Variants in CFAP58 observed in about 807,000 individuals in gnomAD.
CFAP58 encodes the protein cilia- and flagella-associated protein 58.
A neutral mutation model predicts 119.5 loss-of-function variants in CFAP58; 88 were observed. The ratio of observed to expected loss-of-function variants is 0.74; its 90% CI spans 0.62 to 0.88. The LOEUF (loss-of-function observed/expected upper bound fraction) is 0.88. Ranked by LOEUF, CFAP58 falls within the 40% of genes least tolerant of loss-of-function variation. CFAP58 has a pLI of 0.00. For synonymous variants in CFAP58, 365 were observed against 366.3 expected (o/e 1.00, Z 0.04); for missense variants, 990 against 1,021.2 (o/e 0.97, Z 0.42).
chr10:104,354,028 C>A, intron 1 of CFAP58, 122 bp downstream of exon 1: 1 of 1,201,410 alleles, frequency 8.3e-7, no homozygotes, highest in South Asian at 1.3e-5. Flanking sequence ...TATTCCCCTG[C>A]ACCCTCACTC....
intron 15 of CFAP58, among the ~76,000 whole-genome samples, chr10:104,444,985 C>A (rs1439424182): frequency 6.6e-6 from 1 of 152,118 alleles, no homozygotes; most frequent in Non-Finnish European, 1.5e-5. Context: ...AGTTGCTCAG[C>A]TATTCTTTAT....
rs773068470 is a variant in CFAP58 at position 104,403,855 on chromosome 10, C to T, written c.2151+15C>T. On this transcript the variant is annotated intron_variant, in intron 14 of 17. Transcript: ENST00000369704. ...GGAAGCTCGAGGTAACATCTGGCAG[C>T]GTGTTCTCCCCATCCCCAAATCTCT... 11 of 1,520,180 alleles carry T rather than the reference C, an allele frequency of 7.2e-6. No homozygotes were observed. Among genetic ancestry groups the T allele is most frequent in the East Asian group, 2.3e-5 (1 of 43,658 alleles). 94.2% of individuals were successfully genotyped at this position (1,520,180 alleles called of 1,614,324 possible). A position where few individuals can be genotyped will look rare whatever the true frequency, so the allele number is the denominator to read the frequency against.
intron 15 of CFAP58, among the ~76,000 whole-genome samples, chr10:104,407,735 T>C (rs2012387780): frequency 6.6e-6 from 1 of 152,182 alleles, no homozygotes; most frequent in South Asian, 2.1e-4. Flanking sequence ...CTTGCTCTGT[T>C]GCCCAGGCTG....
intron 9 of CFAP58, among the ~76,000 whole-genome samples, chr10:104,386,035 A>G (rs954505512): frequency 6.7e-5 from 10 of 150,224 alleles, no homozygotes; most frequent in African/African-American, 2.5e-4. Context: ...ATAAGGATAC[A>G]AATTGTTTAA....
intron 1 of CFAP58, 143 bp downstream of exon 1, chr10:104,354,049 C>G (rs772975648): frequency 2.6e-5 from 27 of 1,042,414 alleles, no homozygotes; most frequent in Non-Finnish European, 3.7e-5. Flanking sequence ...ACTCCCGCGC[C>G]TTTCTCCGTT....
intron 15 of CFAP58, among the ~76,000 whole-genome samples, chr10:104,428,555 G>T (rs1408829333): frequency 6.6e-6 from 1 of 152,220 alleles, no homozygotes; most frequent in African/African-American, 2.4e-5. Flanking sequence ...AGTGATGCGT[G>T]CTCTTCTCGT....
At position 104,400,830 on chromosome 10, in the gene CFAP58, A is replaced by G; in HGVS notation, c.1966A>G (p.Arg656Gly). 1 of 1,614,230 alleles carries G rather than the reference A, an allele frequency of 6.2e-7. No homozygotes were observed. Among genetic ancestry groups the G allele is most frequent in the African/African-American group, 1.3e-5 (1 of 75,066 alleles). The change falls in exon 13 of 18, where the codon AGA becomes GGA. Residue 656 changes from arginine (R) to glycine (G), a missense_variant. Transcript: ENST00000369704. The part of the protein sequence containing the change: ...NQRLEDMRIL[R>G]LEIKKLRREK... ...GAGGTTGGAGGACATGAGAATCCTC[A>G]GACTTGAGATCAAGAAGCTTCGCCG...
At chr10:104,363,556 C>A (rs758359295) in intron 3 of CFAP58, among the ~76,000 whole-genome samples, 1 of 152,042 alleles carries the variant, frequency 6.6e-6, no homozygotes, top group African/African-American at 2.4e-5. Context: ...AAGAGGAATG[C>A]GAGGGAACTG....
At chr10:104,446,663 C>T (rs1037819522) in intron 15 of CFAP58, among the ~76,000 whole-genome samples, 5 of 152,206 alleles carry the variant, frequency 3.3e-5, no homozygotes, top group Non-Finnish European at 7.4e-5. Flanking sequence ...TAAATGTGTA[C>T]AGAGACTGAT....
intron 7 of CFAP58, among the ~76,000 whole-genome samples, chr10:104,375,717 A>G (rs938585647): frequency 6.6e-6 from 1 of 151,546 alleles, no homozygotes; most frequent in Non-Finnish European, 1.5e-5. Context: ...TGAGACATCA[A>G]TCGAATACGT....
At chr10:104,386,426 G>C (rs1299343329) in intron 9 of CFAP58, among the ~76,000 whole-genome samples, 1 of 151,472 alleles carries the variant, frequency 6.6e-6, no homozygotes, top group African/African-American at 2.4e-5. Context: ...AAGTAAAATG[G>C]TTGTGTATTA....
intron 7 of CFAP58, 47 bp downstream of exon 7, chr10:104,371,101 A>G (rs1433869205): frequency 6.5e-7 from 1 of 1,547,840 alleles, no homozygotes; most frequent in African/African-American, 1.4e-5. Flanking sequence ...TTTATTGGTG[A>G]CTGATGTTAT....
At chr10:104,438,391 C>T (rs1238967335) in intron 15 of CFAP58, among the ~76,000 whole-genome samples, 4 of 108,510 alleles carry the variant, frequency 3.7e-5, no homozygotes, top group African/African-American at 7.5e-5. Context: ...TTTTTTGAGA[C>T]GGAGTCTCGC....
the CFAP58 span, among the ~76,000 whole-genome samples, chr10:104,345,718 T>G: frequency 6.6e-6 from 1 of 151,986 alleles, no homozygotes; most frequent in Non-Finnish European, 1.5e-5. Context: ...CTGGGTAAGA[T>G]TTTTTGGATG....
At chr10:104,343,515 A>G in the CFAP58 span, among the ~76,000 whole-genome samples, 1 of 152,238 alleles carries the variant, frequency 6.6e-6, no homozygotes, top group Non-Finnish European at 1.5e-5. Flanking sequence ...TACAGAACCT[A>G]CGTTTTTCAA....
At chr10:104,412,565 A>G (rs572147944) in intron 15 of CFAP58, among the ~76,000 whole-genome samples, 77 of 152,310 alleles carry the variant, frequency 5.1e-4, no homozygotes, top group African/African-American at 1.5e-3. Context: ...TTTTAAAACT[A>G]AAATATTAGA....
chr10:104,364,470 A>ACT (rs1203880842), intron 3 of CFAP58, among the ~76,000 whole-genome samples: 24 of 137,012 alleles, frequency 1.8e-4, no homozygotes, highest in Non-Finnish European at 2.9e-4. Flanking sequence ...ACACACACAC[A>ACT]CTCTCACACG....
intron 15 of CFAP58, among the ~76,000 whole-genome samples, chr10:104,416,981 C>G (rs1161636275): frequency 6.6e-6 from 1 of 152,252 alleles, no homozygotes; most frequent in Non-Finnish European, 1.5e-5. Context: ...CTACTCCAAG[C>G]ATGGACTCCA....
chr10:104,393,409 A>G lies in CFAP58; in HGVS notation c.1608A>G (p.Lys536=), dbSNP rs1278273008. Residue 536 remains lysine (K), a synonymous_variant, in exon 11 of 18, where the codon AAA becomes AAG. Coordinates refer to ENST00000369704, the MANE Select transcript of CFAP58 (RefSeq NM_001008723.2). ...VDELKEDISA[K]ESALVKLHLE... is the part of the protein sequence containing the mutation. ...AGCTGAAAGAAGACATCTCTGCCAA[A>G]GAGTCCGCACTTGTGAAGCTGCACC... 3 of 1,614,166 alleles carry G rather than the reference A, an allele frequency of 1.9e-6. No homozygotes were observed. The highest frequency in any genetic ancestry group is 3.3e-5 in the Admixed American group (2 of 60,012).
Sources: gnomAD v4.1 joint callset for allele counts (sites outside exome capture counted in the v4.1 genomes callset) on GRCh38, gnomAD v4.1.1 for gene constraint, MANE v1.5 for transcripts, NCBI Gene and HGNC (gene_info 2026-07-23, HGNC 2026-07-21) for gene names.